SMIM14: variants seen among roughly 807,000 people sequenced by gnomAD.
The protein encoded by SMIM14 is small integral membrane protein 14.
SMIM14 carries 5 observed loss-of-function variants against 12.6 expected under a neutral mutation model. That is an observed-to-expected ratio of 0.40 (90% CI 0.21 to 0.83). The LOEUF (loss-of-function observed/expected upper bound fraction) is 0.83. SMIM14 is among the 40% of genes least tolerant of loss of function. SMIM14 has a pLI of 0.37. For missense variants in SMIM14, 86 were observed against 119.1 expected, an observed-to-expected ratio of 0.72 and a Z score of 1.29; for synonymous variants, 30 against 40.1, an observed-to-expected ratio of 0.75 and a Z score of 0.95.
chr4:39,553,552 T>C (rs978474349), intron 4 of SMIM14, among the ~76,000 whole-genome samples: 1 of 149,882 alleles, frequency 6.7e-6, no homozygotes, highest in Admixed American at 6.6e-5. Context: ...CAAGAAAAAA[T>C]AAAAATAAAT....
rs1711605875 is a variant in SMIM14 at position 39,550,268 on chromosome 4, T to A, written c.*1858A>T. The A allele has an allele frequency of 6.6e-6, 1 of 152,156 alleles. No homozygotes were observed. Among genetic ancestry groups the A allele is most frequent in the Admixed American group, 6.6e-5 (1 of 15,266 alleles). The allele number at this position is 152,156 out of a possible 1,614,324, so 9.4% of individuals were successfully genotyped here. ...GAAAAAAACTTCATAACCATATGGG[T>A]CATGCAGACATTTTTATTTATTTAT... On this transcript the variant is annotated 3_prime_UTR_variant, in exon 5 of 5. Coordinates refer to ENST00000295958, the MANE Select transcript of SMIM14 (RefSeq NM_174921.3).
At chr4:39,618,659 A>AC (rs1185510833) in intron 1 of SMIM14, among the ~76,000 whole-genome samples, 103 of 151,054 alleles carry the variant, frequency 6.8e-4, no homozygotes, top group African/African-American at 2.3e-3. Flanking sequence ...CAAAAAAAAA[A>AC]AAAAACAAAA....
chr4:39,565,953 T>C lies in SMIM14; in HGVS notation c.124+6462A>G, dbSNP rs1712551086. Among the ~76,000 whole-genome samples the C allele has an allele frequency of 2.0e-5, 3 of 151,996 alleles. No individual in the cohort carries two copies. The South Asian group carries it at 6.3e-4, about 32-fold the overall frequency. On this transcript the variant is annotated intron_variant, in intron 3 of 4. Coordinates refer to ENST00000295958, the MANE Select transcript of SMIM14 (RefSeq NM_174921.3). ...TGACTGCCACCATGTAAGACATGCC[T>C]TTCACCTTCCGCCATGATTGTGAGG... is the stretch of plus-strand genomic sequence containing the variant.
intron 2 of SMIM14, among the ~76,000 whole-genome samples, chr4:39,590,849 T>A (rs1210363984): frequency 1.3e-5 from 2 of 151,770 alleles, no homozygotes; most frequent in Non-Finnish European, 2.9e-5. Flanking sequence ...CATATTCCTA[T>A]ATTAAATAAC....
chr4:39,601,948 A>C (rs1714631227), intron 2 of SMIM14, among the ~76,000 whole-genome samples: 2 of 136,186 alleles, frequency 1.5e-5, no homozygotes, highest in African/African-American at 2.7e-5. Flanking sequence ...ACCCTATCTT[A>C]AAAAAAAAAA....
chr4:39,555,056 G>A (rs1275293697), intron 4 of SMIM14, among the ~76,000 whole-genome samples: 5 of 151,494 alleles, frequency 3.3e-5, no homozygotes, highest in South Asian at 4.2e-4. Flanking sequence ...GGCTGGTCTC[G>A]AACTCCTGAC....
At chr4:39,617,218 C>T (rs1441403035) in intron 1 of SMIM14, among the ~76,000 whole-genome samples, 1 of 151,978 alleles carries the variant, frequency 6.6e-6, no homozygotes, top group African/African-American at 2.4e-5. Flanking sequence ...TAACTTAAGG[C>T]CAAGTTTTTA....
chr4:39,623,813 G>A (rs558641212), intron 1 of SMIM14, among the ~76,000 whole-genome samples: 1 of 152,264 alleles, frequency 6.6e-6, no homozygotes, highest in South Asian at 2.1e-4. Flanking sequence ...AGTGAGCAGA[G>A]ATTGCACCAC....
chr4:39,608,844 A>C (rs956237061), intron 1 of SMIM14, among the ~76,000 whole-genome samples: 5 of 152,224 alleles, frequency 3.3e-5, no homozygotes, highest in Non-Finnish European at 7.3e-5. Flanking sequence ...AGAGCTGGGA[A>C]GTTTGCAGGG....
Position 39,605,110 on chromosome 4 carries a change from A to T in SMIM14, c.36T>A (p.Val12=). Residue 12 remains valine, a synonymous_variant, in exon 2 of 5, where the codon GTT becomes GTA. Transcript: ENST00000295958. Reference sequence around the variant, plus strand: ...TTCTCATTGCATGTTCATGAGAGCAAACACATTCACAGGGATCAAATCCAC... The same window carrying T: ...TTCTCATTGCATGTTCATGAGAGCATACACATTCACAGGGATCAAATCCAC... ...AEGGFDPCEC[V]CSHEHAMRRL... is the part of the protein sequence containing the mutation. 1 of 1,609,658 alleles carries T rather than the reference A, an allele frequency of 6.2e-7. No individual in the cohort carries two copies. The highest frequency in any genetic ancestry group is 8.5e-7 in the Non-Finnish European group (1 of 1,178,902).
intron 2 of SMIM14, among the ~76,000 whole-genome samples, chr4:39,579,225 A>G (rs1260398796): frequency 6.6e-6 from 1 of 151,662 alleles, no homozygotes; most frequent in Non-Finnish European, 1.5e-5. Context: ...CCTGGGCAAC[A>G]TGGAAAGACC....
intron 1 of SMIM14, among the ~76,000 whole-genome samples, chr4:39,633,148 G>T (rs1715973318): frequency 6.6e-6 from 1 of 151,804 alleles, no homozygotes; most frequent in Admixed American, 6.6e-5. Context: ...ACAAAAATTA[G>T]CTGGGCATGG....
rs1747367942 is a variant in SMIM14 at position 39,546,933 on chromosome 4, G to A, written c.*5193C>T. ...TTCACTTTTGTGTGTTTTTGGTACA[G>A]TGACATGTCTGGTTCCTTTTGAGCT... On this transcript the variant is annotated 3_prime_UTR_variant, in exon 5 of 5. Coordinates refer to ENST00000295958, the MANE Select transcript of SMIM14 (RefSeq NM_174921.3). 2 of 152,184 alleles carry A rather than the reference G, an allele frequency of 1.3e-5. No homozygotes were observed. The highest frequency in any genetic ancestry group is 4.8e-5 in the African/African-American group (2 of 41,456). The allele number at this position is 152,184 out of a possible 1,614,324, so 9.4% of individuals were successfully genotyped here. A position where few individuals can be genotyped will look rare whatever the true frequency, so the allele number is the denominator to read the frequency against.
At chr4:39,570,267 T>G (rs1211604536) in intron 3 of SMIM14, among the ~76,000 whole-genome samples, 2 of 151,828 alleles carry the variant, frequency 1.3e-5, no homozygotes. Context: ...TTCAAGTGAT[T>G]CTGGTGCCTC....
At chr4:39,554,719 T>C (rs1220445534) in intron 4 of SMIM14, among the ~76,000 whole-genome samples, 2 of 149,274 alleles carry the variant, frequency 1.3e-5, no homozygotes, top group African/African-American at 2.4e-5. Flanking sequence ...AATTTTAACA[T>C]TTATTTAAAT....
At chr4:39,576,660 G>GTATA (rs1298743756) in intron 2 of SMIM14, among the ~76,000 whole-genome samples, 806 of 72,166 alleles carry the variant, frequency 0.011, 16 homozygotes, top group African/African-American at 0.037. Flanking sequence ...GTGTGTATGT[G>GTATA]TATATATATA....
At chr4:39,564,406 A>G (rs1712469467) in intron 3 of SMIM14, among the ~76,000 whole-genome samples, 1 of 152,184 alleles carries the variant, frequency 6.6e-6, no homozygotes, top group Non-Finnish European at 1.5e-5. Flanking sequence ...TCCAAAATCC[A>G]AAACTTTTTG....
At chr4:39,628,977 C>T (rs2109255331) in intron 1 of SMIM14, among the ~76,000 whole-genome samples, 1 of 151,444 alleles carries the variant, frequency 6.6e-6, no homozygotes, top group East Asian at 2.0e-4. Flanking sequence ...AGATGATCCA[C>T]CTGCCTCAGC....
At chr4:39,599,907 G>A (rs1326084218) in intron 2 of SMIM14, among the ~76,000 whole-genome samples, 1 of 143,734 alleles carries the variant, frequency 7.0e-6, no homozygotes, top group Non-Finnish European at 1.5e-5. Context: ...GAACAACAGA[G>A]TGAGACTCCG....
Sources: allele counts gnomAD v4.1 joint callset (sites outside exome capture counted in the v4.1 genomes callset), GRCh38; gene constraint gnomAD v4.1.1; transcripts MANE v1.5; gene names NCBI Gene and HGNC (gene_info 2026-07-23, HGNC 2026-07-21).